TMEM51: variants seen among roughly 807,000 people sequenced by gnomAD.
The protein encoded by TMEM51 is transmembrane protein 51, also known as chromosome 1 open reading frame 72.
TMEM51 carries 8 observed loss-of-function variants against 13.6 expected under a neutral mutation model. The observed-to-expected ratio is 0.59, with a 90% confidence interval of 0.35 to 1.07. The LOEUF (loss-of-function observed/expected upper bound fraction) is 1.07, where lower values mean the gene tolerates loss of function less well. TMEM51 is among the 50% of genes least tolerant of loss of function. TMEM51 has a pLI of 0.02. For synonymous variants in TMEM51, 147 were observed against 144.4 expected (o/e 1.02, Z -0.13); for missense variants, 279 against 330.7 (o/e 0.84, Z 1.21).
intron 1 of TMEM51, among the ~76,000 whole-genome samples, chr1:15,177,821 A>C (rs1405083343): frequency 6.6e-6 from 1 of 152,198 alleles, no homozygotes; most frequent in Non-Finnish European, 1.5e-5. Context: ...CACCAACCCC[A>C]TCCCCATCCC....
chr1:15,163,667 A>T (rs961086562), intron 1 of TMEM51, among the ~76,000 whole-genome samples: 7 of 141,428 alleles, frequency 4.9e-5, no homozygotes, highest in Non-Finnish European at 8.1e-5. Flanking sequence ...TTAGAAAGCC[A>T]TTTTGTTTTT....
chr1:15,193,575 C>CTTTTTTTTTTTTTTTTTTTT (rs3078881), intron 1 of TMEM51, among the ~76,000 whole-genome samples: 17 of 114,656 alleles, frequency 1.5e-4, no homozygotes, highest in Non-Finnish European at 2.1e-4. Context: ...TTCTTTCTTT[C>CTTTTTTTTTTTTTTTTTTTT]TTTTTTTTTT....
chr1:15,204,305 G>A (rs373304633), intron 1 of TMEM51, among the ~76,000 whole-genome samples: 1 of 152,380 alleles, frequency 6.6e-6, no homozygotes, highest in East Asian at 1.9e-4. Context: ...TGTAATCCCA[G>A]CACTTTGGGA....
chr1:15,201,022 G>A (rs906335505), intron 1 of TMEM51, among the ~76,000 whole-genome samples: 4 of 152,202 alleles, frequency 2.6e-5, no homozygotes, highest in East Asian at 1.9e-4. Context: ...CTGCCAGCAC[G>A]CAGGCTGTTT....
chr1:15,153,071 C>T (rs536099433), upstream of TMEM51, among the ~76,000 whole-genome samples: 15 of 152,228 alleles, frequency 9.9e-5, no homozygotes, highest in Admixed American at 6.5e-4. Flanking sequence ...CGAGGGCGCC[C>T]TGGGGACCAC....
intron 1 of TMEM51, among the ~76,000 whole-genome samples, chr1:15,154,569 C>T (rs1434162973): frequency 6.6e-6 from 1 of 151,960 alleles, no homozygotes; most frequent in Non-Finnish European, 1.5e-5. Context: ...GCATTCATGC[C>T]CAGCACCCAG....
At chr1:15,173,927 C>G (rs1405126814) in intron 1 of TMEM51, among the ~76,000 whole-genome samples, 1 of 152,226 alleles carries the variant, frequency 6.6e-6, no homozygotes, top group Non-Finnish European at 1.5e-5. Flanking sequence ...TGGAAGGTTT[C>G]ATAACACCTG....
At chr1:15,160,582 AT>A (rs1034102844) in intron 1 of TMEM51, among the ~76,000 whole-genome samples, 1 of 152,006 alleles carries the variant, frequency 6.6e-6, no homozygotes, top group African/African-American at 2.4e-5. Flanking sequence ...CAAGAACATG[AT>A]TTTAAAAAAC....
At chr1:15,182,206 A>AAATAAATG (rs1452812707) in intron 1 of TMEM51, among the ~76,000 whole-genome samples, 1 of 148,812 alleles carries the variant, frequency 6.7e-6, no homozygotes, top group East Asian at 2.0e-4. Flanking sequence ...ATAAATAAAT[A>AAATAAATG]ACTGCACTAG....
intron 1 of TMEM51, among the ~76,000 whole-genome samples, chr1:15,156,538 G>C (rs572708673): frequency 6.6e-6 from 1 of 152,354 alleles, no homozygotes; most frequent in Admixed American, 6.5e-5. Context: ...TTGGGATGTG[G>C]TATGGGGGCT....
chr1:15,215,038 A>G lies in TMEM51; in HGVS notation c.-50A>G. 6.5e-7 allele frequency: 1 copy of G among 1,530,236 alleles called. No homozygotes were observed. The highest frequency in any genetic ancestry group is 8.8e-7 in the Non-Finnish European group (1 of 1,130,224). 94.8% of individuals were successfully genotyped at this position (1,530,236 alleles called of 1,614,324 possible). ...GTTTTTGTTGTGACTGCTGCCTTGT[A>G]TACATTTATTTTCTTTCTTGGAACT... On this transcript the variant is annotated 5_prime_UTR_variant, in exon 3 of 4. Transcript: ENST00000376008.
chr1:15,211,891 A>G (rs1192163868), intron 2 of TMEM51, among the ~76,000 whole-genome samples: 2 of 132,918 alleles, frequency 1.5e-5, no homozygotes, highest in African/African-American at 2.9e-5. Context: ...TTTCATTTCA[A>G]TGTAAGTACA....
At chr1:15,164,119 C>A (rs947512108) in intron 1 of TMEM51, among the ~76,000 whole-genome samples, 6 of 152,064 alleles carry the variant, frequency 3.9e-5, no homozygotes, top group African/African-American at 1.5e-4. Context: ...CGTGAGCCAC[C>A]ATGCCCGGCC....
At chr1:15,177,436 C>A (rs1359888258) in intron 1 of TMEM51, among the ~76,000 whole-genome samples, 1 of 152,048 alleles carries the variant, frequency 6.6e-6, no homozygotes, top group Non-Finnish European at 1.5e-5. Context: ...TCGGGAGGAA[C>A]CAGGGGCCGG....
chr1:15,182,592 G>A (rs1443325990), intron 1 of TMEM51, among the ~76,000 whole-genome samples: 4 of 152,212 alleles, frequency 2.6e-5, no homozygotes, highest in Non-Finnish European at 4.4e-5. Flanking sequence ...TAAATGGATT[G>A]TCCTGCATAT....
At chr1:15,203,617 C>A (rs1035724803) in intron 1 of TMEM51, among the ~76,000 whole-genome samples, 1 of 152,122 alleles carries the variant, frequency 6.6e-6, no homozygotes, top group Non-Finnish European at 1.5e-5. Context: ...GTATTACCTG[C>A]TACCATACCA....
chr1:15,172,458 G>GGA (rs1181179819), intron 1 of TMEM51, among the ~76,000 whole-genome samples: 1 of 149,414 alleles, frequency 6.7e-6, no homozygotes, highest in African/African-American at 2.5e-5. Context: ...AAGGAAGGAA[G>GGA]GAGAGAGAGA....
At chr1:15,192,450 C>CCTTTTTTTATT in intron 1 of TMEM51, 1 of 105,060 alleles carries the variant, frequency 9.5e-6, no homozygotes, top group Admixed American at 2.5e-4. Flanking sequence ...TTCTTTCTTT[C>CCTTTTTTTATT]TTTTCTTTTC....
At chr1:15,192,148 A>G (rs1643935331) in intron 1 of TMEM51, 1 of 447,246 alleles carries the variant, frequency 2.2e-6, no homozygotes, top group Non-Finnish European at 4.5e-6. Context: ...ATTTTCATTC[A>G]TAGACCGTGC....
Sources: allele counts gnomAD v4.1 joint callset (sites outside exome capture counted in the v4.1 genomes callset), GRCh38; gene constraint gnomAD v4.1.1; transcripts MANE v1.5; gene names NCBI Gene and HGNC (gene_info 2026-07-23, HGNC 2026-07-21).